The following NME7 variants were observed in gnomAD, a reference collection of about 807,000 sequenced individuals.
NME7 encodes nucleoside diphosphate kinase 7.
Under a neutral mutation model 49.1 loss-of-function variants are expected in NME7, and 41 were observed. The ratio of observed to expected loss-of-function variants is 0.83; its 90% CI spans 0.65 to 1.08. The LOEUF is 1.08. NME7 is among the 50% of genes least tolerant of loss of function. The pLI is 0.00. For missense variants in NME7, 423 were observed against 463.4 expected, an observed-to-expected ratio of 0.91 and a Z score of 0.80; for synonymous variants, 139 against 150.6, an observed-to-expected ratio of 0.92 and a Z score of 0.56.
At chr1:169,137,528 G>C (rs1211290552) in intron 11 of NME7, among the ~76,000 whole-genome samples, 3 of 152,202 alleles carry the variant, frequency 2.0e-5, no homozygotes, top group African/African-American at 7.2e-5. Context: ...AGCGGGCATG[G>C]AACAGAGGCC....
At chr1:169,245,791 A>G (rs1327114144) in intron 7 of NME7, among the ~76,000 whole-genome samples, 1 of 152,230 alleles carries the variant, frequency 6.6e-6, no homozygotes, top group African/African-American at 2.4e-5. Context: ...ATGAGAGTTT[A>G]ATGTTCAATG....
intron 3 of NME7, among the ~76,000 whole-genome samples, chr1:169,320,374 G>A (rs1651808701): frequency 6.6e-6 from 1 of 152,112 alleles, no homozygotes; most frequent in Non-Finnish European, 1.5e-5. Context: ...TAAATTATCT[G>A]GATAACTGCT....
rs1209020499 is a variant in NME7 at position 169,250,750 on chromosome 1, A to T, written c.755-13063T>A. On this transcript the variant is annotated intron_variant, in intron 7 of 11. Transcript: ENST00000367811. The stretch of plus-strand genomic sequence containing the variant: ...GTTAACTCAAAAATCATCCAGGAGC[A>T]GATTGTTTAATTTCTATGTATTTGT... Among the ~76,000 whole-genome samples the T allele has an allele frequency of 2.0e-5, 3 of 152,116 alleles. No homozygotes were observed. In the East Asian group the frequency reaches 5.8e-4, roughly 29 times the overall value.
At chr1:169,235,301 C>A in intron 8 of NME7, 102 bp from the exon 9 acceptor site, 1 of 543,084 alleles carries the variant, frequency 1.8e-6, no homozygotes, top group Non-Finnish European at 3.2e-6. Flanking sequence ...CTTCTTTACT[C>A]TAAAACATAA....
intron 10 of NME7, among the ~76,000 whole-genome samples, chr1:169,202,034 G>GATTA (rs1359713047): frequency 6.6e-6 from 1 of 152,066 alleles, no homozygotes; most frequent in Non-Finnish European, 1.5e-5. Context: ...CAGCAACAAT[G>GATTA]GCATAATCAT....
chr1:169,288,430 T>C (rs1297531472), intron 6 of NME7, among the ~76,000 whole-genome samples: 1 of 152,126 alleles, frequency 6.6e-6, no homozygotes, highest in Non-Finnish European at 1.5e-5. Context: ...GTCAAATCTC[T>C]GTAGATGTGA....
chr1:169,310,128 T>C (rs778074690), intron 3 of NME7, 48 bp from the exon 4 acceptor site: 180 of 1,137,382 alleles, frequency 1.6e-4, no homozygotes, highest in Non-Finnish European at 2.2e-4. Flanking sequence ...AGTTCAACAG[T>C]TTTTATTTAT....
chr1:169,196,395 C>T (rs1471310936), intron 10 of NME7, among the ~76,000 whole-genome samples: 2 of 152,146 alleles, frequency 1.3e-5, no homozygotes, highest in Non-Finnish European at 1.5e-5. Context: ...CTTATTCTCA[C>T]AGTACTTATT....
chr1:169,242,037 C>T (rs1408386417), intron 7 of NME7, among the ~76,000 whole-genome samples: 2 of 151,924 alleles, frequency 1.3e-5, no homozygotes, highest in Non-Finnish European at 2.9e-5. Context: ...AATATTCCTG[C>T]CTCAGGCTCC....
intron 10 of NME7, among the ~76,000 whole-genome samples, chr1:169,178,500 T>C (rs969571448): frequency 6.6e-6 from 1 of 152,130 alleles, no homozygotes; most frequent in African/African-American, 2.4e-5. Flanking sequence ...TATGGGAAGG[T>C]ACTCTTGAAA....
rs118081446 is a variant in NME7 at position 169,339,227 on chromosome 1, T to G, written c.4-14727A>C. Among the ~76,000 whole-genome samples, 1,025 of 152,290 alleles carry G rather than the reference T, an allele frequency of 6.7e-3. 20 individuals are homozygous for G. The highest frequency in any genetic ancestry group is 0.045 in the East Asian group (231 of 5,184). ...CTGTTTACTTATATTTCCAGAAAGA[T>G]TCTCAAAGAGGACATCTTTTCTTAC... On this transcript the variant is annotated intron_variant, in intron 1 of 11. Transcript: ENST00000367811.
chr1:169,212,186 T>C (rs1484183799), intron 10 of NME7, among the ~76,000 whole-genome samples: 3 of 152,160 alleles, frequency 2.0e-5, no homozygotes, highest in Non-Finnish European at 4.4e-5. Context: ...TTAGCCAGAA[T>C]ATTTTATTAA....
intron 7 of NME7, among the ~76,000 whole-genome samples, chr1:169,262,380 C>G (rs1472178674): frequency 7.5e-6 from 1 of 134,098 alleles, no homozygotes; most frequent in Non-Finnish European, 1.8e-5. Flanking sequence ...CATCATTTTT[C>G]CCTTTTTCTT....
In NME7 at chr1:169,262,513, G is replaced by T. The variant is rs529381388; in HGVS notation, c.754+24790C>A. Reference sequence around the variant, plus strand: ...AGTTCATGTGTGCCACTCCCAGGGGGAGAAAACAAAAGTGCTAGTGAACAC... The same window carrying T: ...AGTTCATGTGTGCCACTCCCAGGGGTAGAAAACAAAAGTGCTAGTGAACAC... On this transcript the variant is annotated intron_variant, in intron 7 of 11. Transcript: ENST00000367811. 4.5e-5 allele frequency among the ~76,000 whole-genome samples: 6 copies of T among 134,092 alleles called. 2 individuals carry two copies. The highest frequency in any genetic ancestry group is 1.5e-4 in the African/African-American group (6 of 39,576). 88.0% of individuals were successfully genotyped at this position (134,092 alleles called of 152,430 possible).
chr1:169,317,380 G>A (rs1651683114), intron 3 of NME7, among the ~76,000 whole-genome samples: 1 of 152,148 alleles, frequency 6.6e-6, no homozygotes, highest in South Asian at 2.1e-4. Flanking sequence ...TTCTCCCTGG[G>A]AATTTAATAA....
intron 9 of NME7, among the ~76,000 whole-genome samples, chr1:169,232,987 T>C (rs1230945547): frequency 1.4e-5 from 2 of 146,878 alleles, no homozygotes; most frequent in East Asian, 2.0e-4. Context: ...GGCACGATCT[T>C]GGCTCACTGC....
At chr1:169,230,658 A>T (rs1647572171) in intron 10 of NME7, 60 bp downstream of exon 10, 13 of 1,111,102 alleles carry the variant, frequency 1.2e-5, no homozygotes, top group Non-Finnish European at 1.6e-5. Context: ...AAAATTTTAA[A>T]CCTGTTAAAA....
Position 169,180,608 on chromosome 1 carries a change from A to G in NME7, c.991-11054T>C, listed in dbSNP as rs576722694. 3.3e-5 allele frequency among the ~76,000 whole-genome samples: 5 copies of G among 152,282 alleles called. No individual in the cohort carries two copies. In the East Asian group the frequency reaches 9.7e-4, roughly 29 times the overall value. On this transcript the variant is annotated intron_variant, in intron 10 of 11. Coordinates refer to ENST00000367811, the MANE Select transcript of NME7 (RefSeq NM_013330.5). The stretch of plus-strand genomic sequence containing the variant: ...AGGTGAGCATTTTTTGAAACCATCT[A>G]ATCTTCTCCTATAATTACCAATAGC...
chr1:169,325,103 G>A (rs749334727), intron 1 of NME7, among the ~76,000 whole-genome samples: 3 of 151,972 alleles, frequency 2.0e-5, no homozygotes, highest in South Asian at 2.1e-4. Flanking sequence ...GAAAATTCCC[G>A]TAATATAAAA....
Sources: allele counts gnomAD v4.1 joint callset (sites outside exome capture counted in the v4.1 genomes callset), GRCh38; gene constraint gnomAD v4.1.1; transcripts MANE v1.5; gene names NCBI Gene and HGNC (gene_info 2026-07-23, HGNC 2026-07-21).